RBFOX1: variants seen among roughly 807,000 people sequenced by gnomAD.
The protein encoded by RBFOX1 is RNA binding fox-1 homolog 1.
RBFOX1 carries 8 observed loss-of-function variants against 57.7 expected under a neutral mutation model. The observed-to-expected ratio is 0.14, with a 90% CI of 0.08 to 0.25. The LOEUF is 0.25. Among genes scored for constraint, RBFOX1 ranks in the 10% least tolerant of loss-of-function variants. The probability of loss-of-function intolerance (pLI) is 1.00; values close to 1 mark genes in which losing one functional copy is unlikely to be tolerated. For synonymous variants in RBFOX1, 326 were observed against 222.4 expected, an observed-to-expected ratio of 1.47 and a Z score of -4.15; for missense variants, 611 against 548.5, an observed-to-expected ratio of 1.11 and a Z score of -1.14.
intron 4 of RBFOX1, among the ~76,000 whole-genome samples, chr16:7,181,197 G>C (rs1331427259): frequency 6.6e-6 from 1 of 152,128 alleles, no homozygotes; most frequent in African/African-American, 2.4e-5. Flanking sequence ...ACCTTGCGTA[G>C]TCACAATCTC....
At chr16:5,551,902 G>T (rs1456036257) in intron 2 of RBFOX1, among the ~76,000 whole-genome samples, 1 of 151,014 alleles carries the variant, frequency 6.6e-6, no homozygotes, top group Non-Finnish European at 1.5e-5. Context: ...TTGGTTTTCT[G>T]TTCCTGTGTG....
chr16:7,634,104 C>CTG (rs2061392247), intron 11 of RBFOX1, among the ~76,000 whole-genome samples: 1 of 152,212 alleles, frequency 6.6e-6, no homozygotes, highest in South Asian at 2.1e-4. Context: ...TCTTTGCTCT[C>CTG]TGATGGGTGC....
At position 6,666,540 on chromosome 16, in the gene RBFOX1, C is replaced by CAA. The variant is rs35935992; in HGVS notation, c.-16+11907_-16+11908dup. Among the ~76,000 whole-genome samples, 24 of 81,428 alleles carry CAA rather than the reference C, an allele frequency of 2.9e-4. 1 individual carries two copies. The highest frequency in any genetic ancestry group is 8.5e-4 in the East Asian group (2 of 2,348). 53.4% of individuals were successfully genotyped at this position (81,428 alleles called of 152,430 possible). ...GGGTGACAGAGTAAGACTCTGTCTC[C>CAA]AAAAAAAAAAAAAAAAAACAAATCA... is the stretch of plus-strand genomic sequence containing the variant. On this transcript the variant is annotated intron_variant, in intron 3 of 15. Transcript: ENST00000550418.
chr16:7,199,246 A>C (rs1027054640), intron 4 of RBFOX1, among the ~76,000 whole-genome samples: 1 of 152,212 alleles, frequency 6.6e-6, no homozygotes, highest in African/African-American at 2.4e-5. Flanking sequence ...AAACCAGACA[A>C]GATTTCCTTC....
At chr16:6,082,781 A>G (rs757941273) in intron 1 of RBFOX1, among the ~76,000 whole-genome samples, 31 of 152,134 alleles carry the variant, frequency 2.0e-4, no homozygotes, top group Non-Finnish European at 3.8e-4. Context: ...TACCCTGAGG[A>G]TATCAGTTTG....
chr16:5,988,112 C>G (rs1006602612), intron 4 of RBFOX1, among the ~76,000 whole-genome samples: 1 of 152,156 alleles, frequency 6.6e-6, no homozygotes, highest in African/African-American at 2.4e-5. Context: ...AGACCCGATT[C>G]AATTCGCATT....
At chr16:7,494,879 G>C (rs1240163057) in intron 4 of RBFOX1, among the ~76,000 whole-genome samples, 2 of 81,900 alleles carry the variant, frequency 2.4e-5, no homozygotes, top group Non-Finnish European at 5.1e-5. Context: ...CTTTATTTTA[G>C]ATACAGGAGG....
intron 1 of RBFOX1, among the ~76,000 whole-genome samples, chr16:5,333,319 A>G (rs1388856950): frequency 6.6e-6 from 1 of 152,244 alleles, no homozygotes; most frequent in African/African-American, 2.4e-5. Flanking sequence ...TTATTGGAAC[A>G]TGGTCACGCC....
At chr16:7,467,591 C>G (rs970517086) in intron 4 of RBFOX1, among the ~76,000 whole-genome samples, 2 of 152,164 alleles carry the variant, frequency 1.3e-5, no homozygotes, top group African/African-American at 4.8e-5. Context: ...AGCTGTGGGA[C>G]TTTGGGCAGA....
intron 4 of RBFOX1, among the ~76,000 whole-genome samples, chr16:7,362,568 C>A (rs1238826841): frequency 6.7e-6 from 1 of 149,912 alleles, no homozygotes; most frequent in African/African-American, 2.5e-5. Flanking sequence ...GTTTTGTTTG[C>A]ATGTTAGTGT....
chr16:6,874,569 GGAGT>G (rs1189157985), intron 3 of RBFOX1, among the ~76,000 whole-genome samples: 1 of 151,050 alleles, frequency 6.6e-6, no homozygotes, highest in Non-Finnish European at 1.5e-5. Context: ...CAACCTGGAT[GGAGT>G]GAGAGGCCGT....
rs191624482 is a variant in RBFOX1 at position 6,897,887 on chromosome 16, C to T, written c.-15-154170C>T. Among the ~76,000 whole-genome samples the T allele has an allele frequency of 2.3e-3, 347 of 152,238 alleles. 2 individuals carry two copies. Among genetic ancestry groups the T allele is most frequent in the African/African-American group, 8.0e-3 (334 of 41,542 alleles). Reference sequence around the variant, plus strand: ...ATCTGTCCCTTCATACCCTATATCCCCAATTCCCTGGAGCTCTTTCTGTGT... The same window carrying T: ...ATCTGTCCCTTCATACCCTATATCCTCAATTCCCTGGAGCTCTTTCTGTGT... On this transcript the variant is annotated intron_variant, in intron 3 of 15. Coordinates refer to ENST00000550418, the MANE Select transcript of RBFOX1 (RefSeq NM_018723.4).
chr16:7,197,440 GAAAAAA>G (rs57893229), intron 4 of RBFOX1, among the ~76,000 whole-genome samples: 84 of 91,326 alleles, frequency 9.2e-4, no homozygotes, highest in African/African-American at 3.4e-3. Flanking sequence ...CCTGTGAGTG[GAAAAAA>G]AAAAAAAAAA....
intron 4 of RBFOX1, among the ~76,000 whole-genome samples, chr16:5,995,505 A>G (rs180815292): frequency 5.3e-5 from 8 of 152,320 alleles, no homozygotes; most frequent in East Asian, 3.9e-4. Flanking sequence ...AAGGATGATT[A>G]TTATGCCAAG....
intron 2 of RBFOX1, among the ~76,000 whole-genome samples, chr16:6,399,333 A>G (rs1471698039): frequency 6.6e-6 from 1 of 152,322 alleles, no homozygotes; most frequent in South Asian, 2.1e-4. Context: ...GGTAATTGAC[A>G]TTCAGCTCCT....
At chr16:5,362,651 C>T (rs565700849) in intron 1 of RBFOX1, among the ~76,000 whole-genome samples, 9 of 152,206 alleles carry the variant, frequency 5.9e-5, no homozygotes, top group Admixed American at 1.3e-4. Context: ...CGTGAGCCAC[C>T]GCGCCAGGCC....
chr16:5,711,249 G>C (rs775868068), intron 3 of RBFOX1, among the ~76,000 whole-genome samples: 2 of 152,208 alleles, frequency 1.3e-5, no homozygotes, highest in Non-Finnish European at 2.9e-5. Context: ...GAATAACCCT[G>C]TATGGTAAGT....
At chr16:5,441,549 G>C (rs1471872363) in intron 1 of RBFOX1, among the ~76,000 whole-genome samples, 1 of 152,036 alleles carries the variant, frequency 6.6e-6, no homozygotes, top group East Asian at 1.9e-4. Context: ...ATTTTTAGTA[G>C]AGATGAGGTT....
chr16:5,709,630 C>T (rs1305767284), intron 3 of RBFOX1, among the ~76,000 whole-genome samples: 1 of 150,738 alleles, frequency 6.6e-6, no homozygotes, highest in East Asian at 2.0e-4. Context: ...GTGTGTCAGG[C>T]ACTTGTCTTG....
Sources: gnomAD v4.1 joint callset for allele counts (sites outside exome capture counted in the v4.1 genomes callset) on GRCh38, gnomAD v4.1.1 for gene constraint, MANE v1.5 for transcripts, NCBI Gene and HGNC (gene_info 2026-07-23, HGNC 2026-07-21) for gene names.